MGRN1: variants seen among roughly 807,000 people sequenced by gnomAD.
The protein encoded by MGRN1 is mahogunin ring finger 1.
A neutral mutation model predicts 69.2 loss-of-function variants in MGRN1; 29 were observed. The observed-to-expected ratio is 0.42, with a 90% CI of 0.31 to 0.57. MGRN1 has a LOEUF of 0.57. MGRN1 is among the 20% of genes least tolerant of loss of function. The pLI, the probability that MGRN1 is intolerant of heterozygous loss-of-function variation, is 0.15. For missense variants in MGRN1, 998 were observed against 796.2 expected, an observed-to-expected ratio of 1.25 and a Z score of -3.05; for synonymous variants, 470 against 344.2, an observed-to-expected ratio of 1.37 and a Z score of -4.04.
chr16:4,655,373 G>A (rs911848993), intron 4 of MGRN1, among the ~76,000 whole-genome samples: 4 of 152,202 alleles, frequency 2.6e-5, no homozygotes, highest in Non-Finnish European at 5.9e-5. Context: ...CCCTCTCCTA[G>A]ACCCCTGCGG....
chr16:4,678,810 C>T (rs903467162), intron 11 of MGRN1, among the ~76,000 whole-genome samples: 11 of 152,370 alleles, frequency 7.2e-5, no homozygotes, highest in African/African-American at 2.6e-4. Context: ...AGGAGCAGAG[C>T]CCTGAGGACT....
chr16:4,680,708 A>G (rs926776015), intron 12 of MGRN1: 5 of 152,618 alleles, frequency 3.3e-5, no homozygotes, highest in Admixed American at 6.5e-5. Context: ...ATTTACCCTT[A>G]ACTTGGAGGC....
chr16:4,663,655 G>C (rs1329567794), intron 5 of MGRN1, among the ~76,000 whole-genome samples: 5 of 152,212 alleles, frequency 3.3e-5, no homozygotes, highest in African/African-American at 4.8e-5. Flanking sequence ...GAGCCTGATG[G>C]TGGCCGGTGG....
intron 13 of MGRN1, 105 bp downstream of exon 13, chr16:4,681,881 G>A (rs976331352): frequency 2.2e-5 from 26 of 1,182,598 alleles, no homozygotes; most frequent in East Asian, 5.2e-5. Flanking sequence ...TCTGTGTGGC[G>A]ATTCCCCAGA....
chr16:4,645,315 C>G (rs1041255820), intron 1 of MGRN1, among the ~76,000 whole-genome samples: 1 of 151,990 alleles, frequency 6.6e-6, no homozygotes, highest in Non-Finnish European at 1.5e-5. Flanking sequence ...TACAGGCATG[C>G]GCTGCCATGC....
At position 4,673,485 on chromosome 16, in the gene MGRN1, CT is replaced by C; in HGVS notation, c.796-11del. 3.7e-6 allele frequency: 6 copies of C among 1,610,366 alleles called. No homozygotes were observed. Among genetic ancestry groups the C allele is most frequent in the Non-Finnish European group, 5.1e-6 (6 of 1,179,406 alleles). On this transcript the variant is annotated splice_polypyrimidine_tract_variant and intron_variant, in intron 9 of 16. Coordinates refer to ENST00000262370, the MANE Select transcript of MGRN1 (RefSeq NM_015246.4). ...TTGGGAGGCTGCTGACCCACAAGCC[CT>C]TGTCCCGGCAGCCCTCGGACGACGA...
chr16:4,680,458 G>A (rs2079155656), intron 12 of MGRN1: 1 of 256,082 alleles, frequency 3.9e-6, no homozygotes, highest in Non-Finnish European at 7.7e-6. Context: ...TCTTGGCCCC[G>A]TGTCCCGCTC....
intron 10 of MGRN1, among the ~76,000 whole-genome samples, chr16:4,676,744 T>C (rs2079061836): frequency 6.6e-6 from 1 of 152,148 alleles, no homozygotes; most frequent in South Asian, 2.1e-4. Context: ...TGTGGGGCCC[T>C]TGTGTGAGCA....
intron 12 of MGRN1, among the ~76,000 whole-genome samples, chr16:4,681,163 C>T (rs972898292): frequency 5.3e-5 from 8 of 152,208 alleles, no homozygotes; most frequent in Non-Finnish European, 8.8e-5. Flanking sequence ...CGCCCCTGAC[C>T]GTGTCTCTCG....
chr16:4,656,029 C>T (rs545869056), intron 4 of MGRN1, among the ~76,000 whole-genome samples: 8 of 152,286 alleles, frequency 5.3e-5, no homozygotes, highest in Admixed American at 1.3e-4. Flanking sequence ...CAGTGGTGGC[C>T]CCCCCACGCC....
intron 1 of MGRN1, among the ~76,000 whole-genome samples, chr16:4,630,048 CAAAAA>C (rs1166734489): frequency 4.6e-5 from 2 of 43,892 alleles, no homozygotes; most frequent in African/African-American, 1.4e-4. Flanking sequence ...GACACCATCT[CAAAAA>C]AAAAAAAAAA....
Position 4,683,922 on chromosome 16 carries a change from C to A in MGRN1, c.1608C>A (p.Ile536=). 2 of 1,608,010 alleles carry A rather than the reference C, an allele frequency of 1.2e-6. No individual in the cohort carries two copies. Among genetic ancestry groups the A allele is most frequent in the East Asian group, 2.2e-5 (1 of 44,616 alleles). Residue 536 remains isoleucine, a synonymous_variant, in exon 16 of 17, where the codon ATC becomes ATA. Transcript: ENST00000262370. ...GTGGCCGAGGCCCACCTGCTGACAT[C>A]TACCTGCCAGGTAAGGGGCTGGGGG... is the stretch of plus-strand genomic sequence containing the variant. ...EHCGRGPPAD[I]YLPGRPTSME...
chr16:4,625,991 G>A (rs1596247188), intron 1 of MGRN1, among the ~76,000 whole-genome samples: 1 of 152,234 alleles, frequency 6.6e-6, no homozygotes, highest in East Asian at 1.9e-4. Flanking sequence ...TCTGAGTGTG[G>A]GCCAGGTCCA....
At chr16:4,686,937 G>A in intron 16 of MGRN1, 1 of 985,478 alleles carries the variant, frequency 1.0e-6, no homozygotes, top group Non-Finnish European at 1.2e-6. Flanking sequence ...GTCCGTCCTC[G>A]AGGGGCCCTC....
intron 5 of MGRN1, 148 bp downstream of exon 5, chr16:4,657,511 G>A: frequency 1.3e-6 from 1 of 791,542 alleles, no homozygotes; most frequent in South Asian, 1.6e-5. Flanking sequence ...TGCTCAGGTG[G>A]ACGTGTGGAT....
intron 15 of MGRN1, among the ~76,000 whole-genome samples, 182 bp downstream of exon 15, chr16:4,683,451 G>A (rs1387245683): frequency 2.0e-5 from 3 of 152,200 alleles, no homozygotes; most frequent in African/African-American, 7.2e-5. Flanking sequence ...GGGTGACTGG[G>A]TCAGGCTGCG....
intron 1 of MGRN1, among the ~76,000 whole-genome samples, chr16:4,627,371 T>C (rs1897730404): frequency 6.6e-6 from 1 of 152,280 alleles, no homozygotes; most frequent in African/African-American, 2.4e-5. Flanking sequence ...TTGAATTTAA[T>C]ATTTGCTTTG....
intron 6 of MGRN1, 21 bp from the exon 7 acceptor site, chr16:4,665,081 C>G: frequency 6.2e-7 from 1 of 1,614,220 alleles, no homozygotes; most frequent in Non-Finnish European, 8.5e-7. Flanking sequence ...TCTGACTACT[C>G]TGCCCCTCTC....
chr16:4,677,374 G>C (rs1000639253), intron 10 of MGRN1, 89 bp from the exon 11 acceptor site: 8 of 898,322 alleles, frequency 8.9e-6, no homozygotes, highest in East Asian at 6.1e-5. Flanking sequence ...CCTATGGTGT[G>C]GGGGGGGTGT....
Sources: gnomAD v4.1 joint callset for allele counts (sites outside exome capture counted in the v4.1 genomes callset) on GRCh38, gnomAD v4.1.1 for gene constraint, MANE v1.5 for transcripts, NCBI Gene and HGNC (gene_info 2026-07-23, HGNC 2026-07-21) for gene names.